The following AGBL1 variants were observed in gnomAD, a reference collection of about 807,000 sequenced individuals.
AGBL1 encodes the protein cytosolic carboxypeptidase 4.
Under a neutral mutation model 118.9 loss-of-function variants are expected in AGBL1, and 130 were observed. The ratio of observed to expected loss-of-function variants is 1.09; its 90% confidence interval spans 0.95 to 1.26. AGBL1 has a LOEUF of 1.26. AGBL1 is among the 50% of genes most tolerant of loss of function. The pLI, the probability that AGBL1 is intolerant of heterozygous loss-of-function variation, is 0.00. For missense variants in AGBL1, 1,584 were observed against 1,298.1 expected (o/e 1.22, Z -3.38); for synonymous variants, 555 against 478.9 (o/e 1.16, Z -2.08).
At chr15:86,792,705 G>T (rs1329042498) in intron 22 of AGBL1, among the ~76,000 whole-genome samples, 1 of 152,072 alleles carries the variant, frequency 6.6e-6, no homozygotes, top group South Asian at 2.1e-4. Context: ...ACTTTGGGAG[G>T]CCGAGATGGG....
chr15:86,335,524 TTC>T (rs2080353252), intron 17 of AGBL1, among the ~76,000 whole-genome samples: 1 of 152,164 alleles, frequency 6.6e-6, no homozygotes. Context: ...GCTAATAATT[TTC>T]CAGAAGTACA....
At chr15:86,686,810 C>T (rs990750169) in intron 22 of AGBL1, among the ~76,000 whole-genome samples, 1 of 152,072 alleles carries the variant, frequency 6.6e-6, no homozygotes, top group Non-Finnish European at 1.5e-5. Flanking sequence ...TATAATTATA[C>T]ATATCCCATT....
At chr15:86,706,937 G>T (rs2086460041) in intron 22 of AGBL1, among the ~76,000 whole-genome samples, 2 of 152,064 alleles carry the variant, frequency 1.3e-5, no homozygotes, top group African/African-American at 2.4e-5. Flanking sequence ...AGTAAAAAGG[G>T]ATAAGAGTGG....
intron 17 of AGBL1, among the ~76,000 whole-genome samples, chr15:86,383,101 T>C (rs1029933041): frequency 1.3e-5 from 2 of 152,032 alleles, no homozygotes; most frequent in Middle Eastern, 3.2e-3. Context: ...CTCAGGACTG[T>C]CATTTCTTCA....
chr15:86,917,365 C>T (rs1455514475), downstream of AGBL1, among the ~76,000 whole-genome samples: 1 of 152,166 alleles, frequency 6.6e-6, no homozygotes, highest in Non-Finnish European at 1.5e-5. This position sits in a 1 kb window ranked among gnomAD's most constrained non-coding sequence, Gnocchi z 4.8. Flanking sequence ...GCCCAGCTTC[C>T]TCCTAGGCTC....
intron 17 of AGBL1, among the ~76,000 whole-genome samples, chr15:86,307,466 A>G (rs1407486730): frequency 8.5e-5 from 13 of 152,048 alleles, no homozygotes; most frequent in Admixed American, 8.5e-4. Flanking sequence ...AATCTAATAT[A>G]GTAGTCTATT....
chr15:86,839,248 C>T (rs1310155909), intron 22 of AGBL1, among the ~76,000 whole-genome samples: 1 of 152,148 alleles, frequency 6.6e-6, no homozygotes, highest in Non-Finnish European at 1.5e-5. Flanking sequence ...TCTGAAAAGC[C>T]ATGAATGAGG....
At chr15:86,130,390 A>T (rs2076804320) in intron 1 of AGBL1, among the ~76,000 whole-genome samples, 1 of 152,204 alleles carries the variant, frequency 6.6e-6, no homozygotes, top group East Asian at 1.9e-4. Flanking sequence ...ATCACAGAAC[A>T]TCATTAGGTT....
intron 22 of AGBL1, among the ~76,000 whole-genome samples, chr15:86,895,052 T>TCTTTCTTTTATCTTCCCTCCTTCC (rs1171783901): frequency 0.059 from 8,581 of 145,546 alleles, 396 homozygotes; most frequent in African/African-American, 0.069. Context: ...TTTTGTTCCT[T>TCTTTCTTTTATCTTCCCTCCTTCC]CTTTCTTTTA....
chr15:86,718,879 T>C (rs2086675818), intron 22 of AGBL1, among the ~76,000 whole-genome samples: 1 of 152,226 alleles, frequency 6.6e-6, no homozygotes, highest in Non-Finnish European at 1.5e-5. Flanking sequence ...TAACTATTAA[T>C]ATTAGTCCTA....
chr15:86,151,179 T>C (rs2077104382), intron 3 of AGBL1, among the ~76,000 whole-genome samples: 1 of 151,698 alleles, frequency 6.6e-6, no homozygotes, highest in Admixed American at 6.6e-5. Flanking sequence ...AGGGATAGCA[T>C]TGGGAGATAT....
intron 18 of AGBL1, among the ~76,000 whole-genome samples, chr15:86,410,890 T>TAATA (rs2081607151): frequency 1.3e-4 from 10 of 76,556 alleles, no homozygotes; most frequent in East Asian, 9.3e-4. Context: ...ATAATATATA[T>TAATA]TATATAATAT....
chr15:86,110,524 G>A (rs1897312973), intron 1 of AGBL1, among the ~76,000 whole-genome samples: 1 of 152,140 alleles, frequency 6.6e-6, no homozygotes, highest in African/African-American at 2.4e-5. Flanking sequence ...AGAAGGAAGA[G>A]GCGGGGTTGG....
At chr15:86,527,223 G>A (rs1028163818) in intron 19 of AGBL1, among the ~76,000 whole-genome samples, 2 of 152,124 alleles carry the variant, frequency 1.3e-5, no homozygotes, top group Non-Finnish European at 2.9e-5. Flanking sequence ...TTAAAAGGAA[G>A]AAATCCCTAT....
chr15:86,692,480 C>T (rs2086190028), intron 22 of AGBL1, among the ~76,000 whole-genome samples: 2 of 152,090 alleles, frequency 1.3e-5, no homozygotes, highest in Admixed American at 1.3e-4. Context: ...GACTACCCAC[C>T]AGGAACTGCA....
chr15:86,592,587 A>G (rs73461640), intron 21 of AGBL1, among the ~76,000 whole-genome samples: 7,907 of 152,228 alleles, frequency 0.052, 590 homozygotes, highest in African/African-American at 0.16. Flanking sequence ...CAGTGTGTTT[A>G]CTGAAGTTGT....
intron 17 of AGBL1, among the ~76,000 whole-genome samples, chr15:86,331,547 T>C (rs1325760197): frequency 1.3e-5 from 2 of 151,958 alleles, no homozygotes. Context: ...TAAAGGCAGC[T>C]AGGGAAAAAG....
intron 16 of AGBL1, among the ~76,000 whole-genome samples, chr15:86,287,751 GAA>G (rs1269366796): frequency 2.0e-5 from 3 of 152,044 alleles, no homozygotes; most frequent in Non-Finnish European, 4.4e-5. Flanking sequence ...GATTTAATAA[GAA>G]AGAGAGAGAG....
intron 23 of AGBL1, among the ~76,000 whole-genome samples, chr15:86,944,652 A>C (rs572014624): frequency 6.6e-6 from 1 of 152,226 alleles, no homozygotes; most frequent in Non-Finnish European, 1.5e-5. Context: ...TAGTACCTAC[A>C]TAAGTAATCT....
Sources: gnomAD v4.1 joint callset for allele counts (sites outside exome capture counted in the v4.1 genomes callset) on GRCh38, gnomAD v4.1.1 for gene constraint, Gnocchi (gnomAD v3.1) non-coding constraint, MANE v1.5 for transcripts, NCBI Gene and HGNC (gene_info 2026-07-23, HGNC 2026-07-21) for gene names.